BBS9: variants seen among roughly 807,000 people sequenced by gnomAD.
BBS9 encodes the protein protein PTHB1.
A neutral mutation model predicts 117.7 loss-of-function variants in BBS9; 89 were observed. That is an observed-to-expected ratio of 0.76 (90% CI 0.64 to 0.90). The LOEUF (loss-of-function observed/expected upper bound fraction) is 0.90. BBS9 is among the 40% of genes least tolerant of loss of function. BBS9 has a pLI of 0.00. For synonymous variants in BBS9, 379 were observed against 370.9 expected, an observed-to-expected ratio of 1.02 and a Z score of -0.25; for missense variants, 982 against 1,042.2, an observed-to-expected ratio of 0.94 and a Z score of 0.80.
chr7:33,371,176 A>G (rs1186125564), intron 17 of BBS9, among the ~76,000 whole-genome samples: 1 of 152,200 alleles, frequency 6.6e-6, no homozygotes, highest in Non-Finnish European at 1.5e-5. Context: ...ATTCAAAAAG[A>G]CAGTTCCTTT....
intron 21 of BBS9, among the ~76,000 whole-genome samples, chr7:33,543,634 C>G (rs1286796987): frequency 6.6e-6 from 1 of 152,146 alleles, no homozygotes; most frequent in Non-Finnish European, 1.5e-5. Context: ...TCTTAAGATT[C>G]TTTCCTTTGT....
intron 21 of BBS9, among the ~76,000 whole-genome samples, chr7:33,621,375 G>A (rs1160587625): frequency 1.3e-5 from 2 of 152,124 alleles, no homozygotes; most frequent in Non-Finnish European, 2.9e-5. Flanking sequence ...TGAAAAATGG[G>A]CAAAGGACCT....
intron 21 of BBS9, among the ~76,000 whole-genome samples, chr7:33,542,349 C>G (rs139987725): frequency 6.6e-6 from 1 of 152,144 alleles, no homozygotes; most frequent in Non-Finnish European, 1.5e-5. Context: ...TCCCAAAGTG[C>G]TGGGATTACA....
intron 1 of BBS9, among the ~76,000 whole-genome samples, chr7:33,142,975 CT>C (rs942596072): frequency 6.7e-4 from 98 of 146,294 alleles, no homozygotes; most frequent in Middle Eastern, 3.5e-3. Context: ...CTAGGTTTAA[CT>C]TTTTTTTTTT....
Position 33,396,319 on chromosome 7 carries a change from A to G in BBS9, c.2115+8175A>G, listed in dbSNP as rs1435392063. Among the ~76,000 whole-genome samples, 4 of 152,258 alleles carry G rather than the reference A, an allele frequency of 2.6e-5. No individual in the cohort carries two copies. The East Asian group carries it at 7.7e-4, about 29-fold the overall frequency. On this transcript the variant is annotated intron_variant, in intron 19 of 22. Transcript: ENST00000242067. Reference sequence around the variant, plus strand: ...ACTACTATTTGAAGTGATATTTCATATCATTATTGTGTTTCATTATTTTCA... The same window carrying G: ...ACTACTATTTGAAGTGATATTTCATGTCATTATTGTGTTTCATTATTTTCA...
intron 1 of BBS9, among the ~76,000 whole-genome samples, chr7:33,139,734 C>T (rs1414559635): frequency 1.4e-5 from 2 of 146,972 alleles, no homozygotes; most frequent in Non-Finnish European, 3.0e-5. Context: ...TTGTATAGTT[C>T]TTACTTTCTT....
chr7:33,393,650 G>T (rs1358507977), intron 19 of BBS9, among the ~76,000 whole-genome samples: 1 of 152,122 alleles, frequency 6.6e-6, no homozygotes, highest in Admixed American at 6.5e-5. Flanking sequence ...CAAAGATGAA[G>T]AAAACAGGAT....
At chr7:33,585,591 G>A (rs1319040520) in intron 21 of BBS9, among the ~76,000 whole-genome samples, 3 of 151,896 alleles carry the variant, frequency 2.0e-5, no homozygotes, top group African/African-American at 4.8e-5. Context: ...TACCATTCTA[G>A]ATCACTATTA....
chr7:33,249,718 A>T (rs541047224), intron 5 of BBS9, among the ~76,000 whole-genome samples: 2 of 152,162 alleles, frequency 1.3e-5, no homozygotes, highest in African/African-American at 4.8e-5. Context: ...TTTAAAAATT[A>T]TTTTTTCCTG....
chr7:33,144,696 A>G (rs1792062545), intron 1 of BBS9, among the ~76,000 whole-genome samples: 1 of 152,180 alleles, frequency 6.6e-6, no homozygotes, highest in Non-Finnish European at 1.5e-5. Context: ...TAAAAGCAAG[A>G]AGGCTGTGAT....
chr7:33,244,185 G>C (rs1033748078), intron 5 of BBS9, among the ~76,000 whole-genome samples: 3 of 152,178 alleles, frequency 2.0e-5, no homozygotes, highest in Admixed American at 6.5e-5. Context: ...AGCCGAGATT[G>C]TGCCACTGCA....
At chr7:33,142,008 TCA>T (rs1337923435) in intron 1 of BBS9, among the ~76,000 whole-genome samples, 2 of 152,050 alleles carry the variant, frequency 1.3e-5, no homozygotes, top group African/African-American at 4.8e-5. Flanking sequence ...CTATCTCGGC[TCA>T]CTGCAAGCTC....
intron 9 of BBS9, among the ~76,000 whole-genome samples, chr7:33,287,745 GGATA>G (rs1803173119): frequency 6.6e-6 from 1 of 152,124 alleles, no homozygotes; most frequent in Non-Finnish European, 1.5e-5. Context: ...GCTAAAAAAA[GGATA>G]GATACCCATA....
chr7:33,318,937 G>A (rs1244712991), intron 9 of BBS9, among the ~76,000 whole-genome samples: 1 of 152,106 alleles, frequency 6.6e-6, no homozygotes, highest in East Asian at 1.9e-4. Flanking sequence ...GGCCAGTGTG[G>A]GCGGATCACG....
At chr7:33,335,546 C>G (rs1351769384) in intron 9 of BBS9, among the ~76,000 whole-genome samples, 1 of 152,028 alleles carries the variant, frequency 6.6e-6, no homozygotes, top group East Asian at 1.9e-4. Context: ...AGGGAGGAAG[C>G]AAATACAGTA....
chr7:33,597,930 G>T (rs745661448), intron 21 of BBS9, among the ~76,000 whole-genome samples: 1 of 151,290 alleles, frequency 6.6e-6, no homozygotes, highest in African/African-American at 2.4e-5. Context: ...TAAAATGCAC[G>T]GTGTGCTGAG....
chr7:33,273,788 G>C, intron 8 of BBS9, 39 bp from the exon 9 acceptor site: 1 of 1,587,528 alleles, frequency 6.3e-7, no homozygotes. Context: ...CCAAATGACT[G>C]TTTTCTTAGT....
intron 21 of BBS9, among the ~76,000 whole-genome samples, chr7:33,589,265 A>G (rs955974177): frequency 2.6e-5 from 4 of 152,158 alleles, no homozygotes; most frequent in Admixed American, 1.3e-4. Flanking sequence ...CATATGCAGC[A>G]TGGATGTGCT....
At chr7:33,222,145 T>A (rs146805587) in intron 5 of BBS9, among the ~76,000 whole-genome samples, 1,923 of 152,276 alleles carry the variant, frequency 0.013, 15 homozygotes, top group Middle Eastern at 0.058. Context: ...AAATTTCATG[T>A]AGTGTGTGTG....
Sources: gnomAD v4.1 joint callset for allele counts (sites outside exome capture counted in the v4.1 genomes callset) on GRCh38, gnomAD v4.1.1 for gene constraint, MANE v1.5 for transcripts, NCBI Gene and HGNC (gene_info 2026-07-23, HGNC 2026-07-21) for gene names.